The following MAP2K4 variants were observed in gnomAD, a reference collection of about 807,000 sequenced individuals.
The protein encoded by MAP2K4 is mitogen-activated protein kinase kinase 4.
MAP2K4 carries 4 observed loss-of-function variants against 48.5 expected under a neutral mutation model. That is an observed-to-expected ratio of 0.08 (90% confidence interval 0.04 to 0.19). The LOEUF (loss-of-function observed/expected upper bound fraction) is 0.19, where lower values mean the gene tolerates loss of function less well. Ranked by LOEUF, MAP2K4 falls within the 10% of genes least tolerant of loss-of-function variation. MAP2K4 has a pLI of 1.00. For missense variants in MAP2K4, 258 were observed against 493.3 expected (o/e 0.52, Z 4.52); for synonymous variants, 166 against 173.1 (o/e 0.96, Z 0.32).
intron 2 of MAP2K4, among the ~76,000 whole-genome samples, chr17:12,071,828 G>T (rs1027867447): frequency 3.3e-5 from 5 of 152,136 alleles, no homozygotes; most frequent in Non-Finnish European, 7.4e-5. Context: ...TTTTGTCATT[G>T]TGGGAGTATA....
At chr17:12,080,366 T>C (rs1030602021) in intron 2 of MAP2K4, among the ~76,000 whole-genome samples, 11 of 152,174 alleles carry the variant, frequency 7.2e-5, no homozygotes, top group Non-Finnish European at 1.3e-4. Context: ...GTGTGTATGG[T>C]TGATAGTTTG....
chr17:12,109,725 T>G (rs1972242583), intron 5 of MAP2K4, among the ~76,000 whole-genome samples: 1 of 152,200 alleles, frequency 6.6e-6, no homozygotes, highest in Non-Finnish European at 1.5e-5. Context: ...TTAGAAAACT[T>G]TTTTATTTAC....
At chr17:12,097,250 A>C (rs1225293317) in intron 4 of MAP2K4, among the ~76,000 whole-genome samples, 1 of 152,176 alleles carries the variant, frequency 6.6e-6, no homozygotes, top group Non-Finnish European at 1.5e-5. Flanking sequence ...TTCTCTCCTA[A>C]CTAGATTCTG....
chr17:12,053,719 G>A (rs553928093), intron 1 of MAP2K4, among the ~76,000 whole-genome samples: 27 of 151,872 alleles, frequency 1.8e-4, no homozygotes, highest in Non-Finnish European at 3.5e-4. Flanking sequence ...GTAGAAAGGA[G>A]GCTTATCTTT....
intron 1 of MAP2K4, among the ~76,000 whole-genome samples, chr17:12,048,444 G>C (rs1335251462): frequency 3.3e-5 from 5 of 152,102 alleles, no homozygotes; most frequent in Non-Finnish European, 5.9e-5. Context: ...TAGCTGTGTG[G>C]ATGAACAACA....
chr17:12,026,570 G>T (rs1032067930), intron 1 of MAP2K4, among the ~76,000 whole-genome samples: 3 of 152,212 alleles, frequency 2.0e-5, no homozygotes, highest in Non-Finnish European at 4.4e-5. Context: ...AGATGAGGGG[G>T]TAGACGTTTA....
intron 4 of MAP2K4, among the ~76,000 whole-genome samples, chr17:12,100,660 C>G (rs1372635272): frequency 6.6e-6 from 1 of 152,062 alleles, no homozygotes; most frequent in African/African-American, 2.4e-5. Context: ...GGTAGTTGTA[C>G]CATTTTATAC....
At chr17:12,094,230 A>C (rs192768557) in intron 3 of MAP2K4, among the ~76,000 whole-genome samples, 2 of 152,314 alleles carry the variant, frequency 1.3e-5, no homozygotes, top group East Asian at 3.9e-4. Context: ...TTGCTTATGA[A>C]ATACTGTAGG....
chr17:12,126,951 T>C (rs1972873693), intron 8 of MAP2K4, among the ~76,000 whole-genome samples: 1 of 152,164 alleles, frequency 6.6e-6, no homozygotes, highest in South Asian at 2.1e-4. Flanking sequence ...ATTTTCAGTT[T>C]TTGCTACCTA....
intron 7 of MAP2K4, among the ~76,000 whole-genome samples, chr17:12,118,905 A>T (rs902412420): frequency 6.6e-6 from 1 of 152,212 alleles, no homozygotes; most frequent in Non-Finnish European, 1.5e-5. Context: ...AGTGACTTGG[A>T]TGGATTCCAT....
At chr17:12,072,476 A>G (rs1430109016) in intron 2 of MAP2K4, among the ~76,000 whole-genome samples, 1 of 152,202 alleles carries the variant, frequency 6.6e-6, no homozygotes, top group Non-Finnish European at 1.5e-5. Flanking sequence ...TCTTCCTTTA[A>G]CAAAACATTT....
chr17:12,130,682 T>A (rs1972992785), intron 9 of MAP2K4, among the ~76,000 whole-genome samples: 1 of 152,218 alleles, frequency 6.6e-6, no homozygotes, highest in Non-Finnish European at 1.5e-5. Context: ...TAGTTCCATG[T>A]CATTGCAAAT....
chr17:12,075,075 C>G (rs929951302), intron 2 of MAP2K4, among the ~76,000 whole-genome samples: 2 of 152,202 alleles, frequency 1.3e-5, no homozygotes, highest in African/African-American at 4.8e-5. Context: ...GGAATAATAT[C>G]TTGAAGACTT....
intron 3 of MAP2K4, among the ~76,000 whole-genome samples, chr17:12,090,265 T>G (rs1005447549): frequency 4.6e-5 from 7 of 152,168 alleles, no homozygotes; most frequent in African/African-American, 1.7e-4. Flanking sequence ...GAATCAGTAG[T>G]TGTCACATCA....
chr17:12,032,762 C>T (rs1969479355), intron 1 of MAP2K4, among the ~76,000 whole-genome samples: 1 of 152,092 alleles, frequency 6.6e-6, no homozygotes, highest in Non-Finnish European at 1.5e-5. Context: ...GCCTCCCTCA[C>T]CATCCTTATT....
At chr17:12,088,445 T>TATACATTAAATATTAA (rs1555547638) in intron 3 of MAP2K4, among the ~76,000 whole-genome samples, 3 of 129,630 alleles carry the variant, frequency 2.3e-5, no homozygotes, top group African/African-American at 8.4e-5. Context: ...TTACATATAA[T>TATACATTAAATATTAA]ATATATTAAA....
Position 12,141,772 on chromosome 17 carries a change from A to G in MAP2K4, c.*512A>G, listed in dbSNP as rs542637158. 4.7e-5 allele frequency: 11 copies of G among 235,502 alleles called. No individual in the cohort carries two copies. The highest frequency in any genetic ancestry group is 8.4e-5 in the Non-Finnish European group (10 of 119,360). 14.6% of individuals were successfully genotyped at this position (235,502 alleles called of 1,614,324 possible). A position where few individuals can be genotyped will look rare whatever the true frequency, so the allele number is the denominator to read the frequency against. On this transcript the variant is annotated 3_prime_UTR_variant, in exon 11 of 11. Coordinates refer to ENST00000353533, the MANE Select transcript of MAP2K4 (RefSeq NM_003010.4). ...GGAATTTACTTTCTTCACCAAGTGCAATAGATTACTGATGTGATATTCTGT... is the reference window on the plus strand; with the variant it reads ...GGAATTTACTTTCTTCACCAAGTGCGATAGATTACTGATGTGATATTCTGT...
chr17:12,057,767 A>G (rs1161092666), intron 2 of MAP2K4, among the ~76,000 whole-genome samples: 3 of 152,050 alleles, frequency 2.0e-5, no homozygotes, highest in Admixed American at 6.6e-5. Context: ...TTTATTTTCC[A>G]TCCCCTAAAT....
At chr17:12,099,137 G>C (rs757098346) in intron 4 of MAP2K4, among the ~76,000 whole-genome samples, 6 of 151,206 alleles carry the variant, frequency 4.0e-5, no homozygotes, top group Non-Finnish European at 8.8e-5. Context: ...TTATAAGCGA[G>C]AACATGCAGT....
Sources: allele counts gnomAD v4.1 joint callset (sites outside exome capture counted in the v4.1 genomes callset), GRCh38; gene constraint gnomAD v4.1.1; transcripts MANE v1.5; gene names NCBI Gene and HGNC (gene_info 2026-07-23, HGNC 2026-07-21).